The following AFG2A variants were observed in gnomAD, a reference collection of about 807,000 sequenced individuals.
The protein encoded by AFG2A is AAA ATPase AFG2A.
the AFG2A span, among the ~76,000 whole-genome samples, chr4:123,099,174 A>G: frequency 1.5e-4 from 23 of 151,944 alleles, no homozygotes; most frequent in Non-Finnish European, 3.1e-4. Flanking sequence ...AGAAATGTCT[A>G]TTCAGGTCTT....
chr4:123,170,172 G>A, the AFG2A span, among the ~76,000 whole-genome samples: 1 of 152,116 alleles, frequency 6.6e-6, no homozygotes, highest in Non-Finnish European at 1.5e-5. Flanking sequence ...AACAAAGCTG[G>A]AGGCGCTAAT....
chr4:122,965,674 T>A, the AFG2A span, among the ~76,000 whole-genome samples: 7 of 152,224 alleles, frequency 4.6e-5, no homozygotes, highest in Non-Finnish European at 1.0e-4. Context: ...CTTACATTTT[T>A]AAAAAATTAA....
At chr4:123,185,910 G>A in the AFG2A span, among the ~76,000 whole-genome samples, 1 of 151,238 alleles carries the variant, frequency 6.6e-6, no homozygotes. Context: ...AAGAAAGAAA[G>A]AAAATATGCA....
the AFG2A span, among the ~76,000 whole-genome samples, chr4:123,085,392 A>G: frequency 1.3e-5 from 2 of 152,166 alleles, no homozygotes; most frequent in African/African-American, 4.8e-5. Context: ...TGTTAGATGC[A>G]TACACGTTAA....
the AFG2A span, among the ~76,000 whole-genome samples, chr4:123,006,440 A>G: frequency 6.6e-6 from 1 of 152,032 alleles, no homozygotes; most frequent in Non-Finnish European, 1.5e-5. Flanking sequence ...GTGTTAGTCA[A>G]ATTTGAAAAA....
chr4:122,939,630 A>G, the AFG2A span, among the ~76,000 whole-genome samples: 1 of 149,822 alleles, frequency 6.7e-6, no homozygotes, highest in Non-Finnish European at 1.5e-5. Context: ...CTGGTCATTT[A>G]GAATTTTTTT....
chr4:123,077,051 T>TGG, the AFG2A span, among the ~76,000 whole-genome samples: 4 of 144,054 alleles, frequency 2.8e-5, no homozygotes, highest in East Asian at 6.0e-4. Context: ...TTGTTGTTTT[T>TGG]TTTTTTTTTT....
the AFG2A span, among the ~76,000 whole-genome samples, chr4:123,268,184 T>G: frequency 6.6e-5 from 10 of 151,904 alleles, no homozygotes; most frequent in Non-Finnish European, 1.2e-4. Context: ...ACAGGGAGGA[T>G]AGACATAATT....
chr4:123,317,751 T>A, the AFG2A span: 1 of 152,248 alleles, frequency 6.6e-6, no homozygotes. Context: ...ACTGTGGCAA[T>A]AAAAAATAAT....
chr4:123,095,710 TAAA>T, the AFG2A span, among the ~76,000 whole-genome samples: 1 of 150,998 alleles, frequency 6.6e-6, no homozygotes, highest in East Asian at 1.9e-4. Flanking sequence ...TAAAACTGAT[TAAA>T]AAAAAAGATC....
At chr4:123,226,945 G>T in the AFG2A span, among the ~76,000 whole-genome samples, 1 of 152,304 alleles carries the variant, frequency 6.6e-6, no homozygotes, top group South Asian at 2.1e-4. Flanking sequence ...TTGGGAGGGT[G>T]TATGTGTCGA....
At chr4:123,219,914 G>C in the AFG2A span, among the ~76,000 whole-genome samples, 4 of 151,640 alleles carry the variant, frequency 2.6e-5, no homozygotes, top group African/African-American at 9.7e-5. Flanking sequence ...TTGTTGCCCA[G>C]GCTGGAGTGC....
At chr4:122,974,598 A>G in the AFG2A span, among the ~76,000 whole-genome samples, 1 of 152,188 alleles carries the variant, frequency 6.6e-6, no homozygotes, top group Non-Finnish European at 1.5e-5. Context: ...GCGTTGCAAG[A>G]AAATTACTGA....
At chr4:123,311,263 T>C in the AFG2A span, among the ~76,000 whole-genome samples, 3 of 152,144 alleles carry the variant, frequency 2.0e-5, no homozygotes, top group African/African-American at 7.2e-5. Context: ...TGACCATAAC[T>C]GATCACTAAA....
chr4:123,276,726 T>G, the AFG2A span, among the ~76,000 whole-genome samples: 14 of 152,220 alleles, frequency 9.2e-5, no homozygotes, highest in Non-Finnish European at 1.8e-4. Context: ...CAGCACCACT[T>G]ACTGAATGGG....
the AFG2A span, among the ~76,000 whole-genome samples, chr4:123,310,223 C>T: frequency 1.3e-5 from 2 of 152,176 alleles, no homozygotes; most frequent in African/African-American, 4.8e-5. Flanking sequence ...GCATCAGCTG[C>T]TTGTGGATTT....
At chr4:123,266,775 C>A in the AFG2A span, among the ~76,000 whole-genome samples, 1 of 151,718 alleles carries the variant, frequency 6.6e-6, no homozygotes, top group Non-Finnish European at 1.5e-5. Flanking sequence ...TCGGCATATT[C>A]TTTAGTTAAT....
At chr4:123,145,153 TTAA>T in the AFG2A span, among the ~76,000 whole-genome samples, 1 of 152,008 alleles carries the variant, frequency 6.6e-6, no homozygotes, top group Non-Finnish European at 1.5e-5. Flanking sequence ...TAAAAAATAA[TTAA>T]TAATTATTTT....
the AFG2A span, among the ~76,000 whole-genome samples, chr4:123,218,062 G>A: frequency 6.6e-6 from 1 of 152,156 alleles, no homozygotes; most frequent in African/African-American, 2.4e-5. Context: ...CAAAAAGCAG[G>A]AATTAGAGAA....
Sources: allele counts gnomAD v4.1 joint callset (sites outside exome capture counted in the v4.1 genomes callset), GRCh38; gene constraint gnomAD v4.1.1; transcripts MANE v1.5; gene names NCBI Gene and HGNC (gene_info 2026-07-23, HGNC 2026-07-21).